Variants in ATP8B4 observed in about 807,000 individuals in gnomAD.
ATP8B4 encodes the protein probable phospholipid-transporting ATPase IM.
Under a neutral mutation model 145.6 loss-of-function variants are expected in ATP8B4, and 133 were observed. The observed-to-expected ratio is 0.91, with a 90% CI of 0.79 to 1.05. ATP8B4 has a LOEUF of 1.05. Ranked by LOEUF, ATP8B4 falls within the 50% of genes least tolerant of loss-of-function variation. The pLI is 0.00. For synonymous variants in ATP8B4, 507 were observed against 492.9 expected, an observed-to-expected ratio of 1.03 and a Z score of -0.38; for missense variants, 1,458 against 1,425.2, an observed-to-expected ratio of 1.02 and a Z score of -0.37.
chr15:49,990,511 A>G (rs1024525286), intron 9 of ATP8B4, among the ~76,000 whole-genome samples: 3 of 152,148 alleles, frequency 2.0e-5, no homozygotes, highest in African/African-American at 7.2e-5. Flanking sequence ...GCAGATTGCA[A>G]TTTATCCATT....
intron 7 of ATP8B4, among the ~76,000 whole-genome samples, chr15:50,007,366 G>A (rs2048383132): frequency 6.6e-6 from 1 of 152,188 alleles, no homozygotes; most frequent in Non-Finnish European, 1.5e-5. Flanking sequence ...CTGTTCCAAT[G>A]GAGTAAGGAA....
intron 1 of ATP8B4, among the ~76,000 whole-genome samples, chr15:50,174,435 A>C (rs1470350864): frequency 6.6e-6 from 1 of 152,114 alleles, no homozygotes; most frequent in African/African-American, 2.4e-5. Flanking sequence ...TGATAAAAGA[A>C]TTCAGCACAG....
intron 14 of ATP8B4, among the ~76,000 whole-genome samples, chr15:49,935,087 C>G (rs2041626000): frequency 6.6e-6 from 1 of 152,080 alleles, no homozygotes; most frequent in Non-Finnish European, 1.5e-5. Context: ...TTGCAATTAT[C>G]TATTCTGTGT....
intron 2 of ATP8B4, 129 bp from the exon 3 acceptor site, chr15:50,074,314 G>A (rs929532977): frequency 1.3e-6 from 1 of 790,236 alleles, no homozygotes; most frequent in Non-Finnish European, 2.0e-6. Context: ...AAATTTGAAG[G>A]TATTGGCTTT....
chr15:50,041,467 TG>T (rs887066529), intron 5 of ATP8B4, among the ~76,000 whole-genome samples: 9 of 152,234 alleles, frequency 5.9e-5, no homozygotes, highest in Admixed American at 5.2e-4. Flanking sequence ...TCCAAAGCTG[TG>T]AAGCCATTAA....
At chr15:50,174,278 T>TA (rs931162938) in intron 1 of ATP8B4, among the ~76,000 whole-genome samples, 1 of 152,136 alleles carries the variant, frequency 6.6e-6, no homozygotes, top group Non-Finnish European at 1.5e-5. Context: ...AGCATAGTAC[T>TA]GGAAGTCCTA....
chr15:50,095,920 G>T (rs954075021), intron 2 of ATP8B4, among the ~76,000 whole-genome samples: 2 of 152,098 alleles, frequency 1.3e-5, no homozygotes, highest in South Asian at 4.1e-4. Context: ...TAATTCCCAG[G>T]TTTTCTTATT....
At chr15:50,079,201 A>G (rs2054384801) in intron 2 of ATP8B4, among the ~76,000 whole-genome samples, 1 of 152,178 alleles carries the variant, frequency 6.6e-6, no homozygotes, top group Admixed American at 6.5e-5. Context: ...CCATAAATAG[A>G]TATACCTACT....
chr15:49,940,937 TAGAG>T (rs2042117698), intron 14 of ATP8B4, among the ~76,000 whole-genome samples: 1 of 151,676 alleles, frequency 6.6e-6, no homozygotes, highest in Non-Finnish European at 1.5e-5. Flanking sequence ...TCGAGAGACA[TAGAG>T]AGAAAGACAG....
intron 16 of ATP8B4, among the ~76,000 whole-genome samples, chr15:49,924,011 T>C (rs1235435133): frequency 6.6e-6 from 1 of 152,184 alleles, no homozygotes; most frequent in Admixed American, 6.5e-5. Flanking sequence ...GAAAAGTCCA[T>C]TAATTCTTGG....
At chr15:49,968,384 A>G (rs1265517344) in intron 13 of ATP8B4, among the ~76,000 whole-genome samples, 1 of 152,060 alleles carries the variant, frequency 6.6e-6, no homozygotes, top group Non-Finnish European at 1.5e-5. Flanking sequence ...GAGCCATCTC[A>G]TGTGCAAAGA....
intron 9 of ATP8B4, among the ~76,000 whole-genome samples, chr15:49,993,597 G>T (rs760131937): frequency 6.6e-6 from 1 of 151,986 alleles, no homozygotes; most frequent in Non-Finnish European, 1.5e-5. Flanking sequence ...AATCTAATTT[G>T]TATATTGTTT....
chr15:50,037,924 AG>A (rs1366917966), intron 6 of ATP8B4, among the ~76,000 whole-genome samples: 1 of 152,368 alleles, frequency 6.6e-6, no homozygotes, highest in East Asian at 1.9e-4. Flanking sequence ...TAAGCTACCT[AG>A]CCCCTCTTGA....
rs186207889 is a variant in ATP8B4 at position 50,137,077 on chromosome 15, A to G, written c.-42-30069T>C. ...CTTTTGGACATATTGATGTCCTACA[A>G]TGCATCAAGCACTGTGCAAGAGGCT... On this transcript the variant is annotated intron_variant, in intron 1 of 3. Transcript: ENST00000558829. 1.2e-4 allele frequency among the ~76,000 whole-genome samples: 19 copies of G among 152,196 alleles called. 1 individual carries two copies. The highest frequency in any genetic ancestry group is 1.5e-5 in the Non-Finnish European group (1 of 68,026).
intron 13 of ATP8B4, among the ~76,000 whole-genome samples, chr15:49,962,223 C>A (rs532511958): frequency 2.5e-4 from 38 of 152,202 alleles, no homozygotes; most frequent in African/African-American, 8.7e-4. Context: ...CGTGTTTGCC[C>A]AAGATAGGAC....
At chr15:50,047,327 A>G (rs1303579743) in intron 4 of ATP8B4, 24 bp downstream of exon 4, 9 of 1,380,304 alleles carry the variant, frequency 6.5e-6, no homozygotes, top group Non-Finnish European at 9.3e-6. Flanking sequence ...AACAGATAAT[A>G]GAGAAATACA....
intron 20 of ATP8B4, among the ~76,000 whole-genome samples, chr15:49,915,901 A>G (rs983546188): frequency 1.3e-5 from 2 of 151,700 alleles, no homozygotes; most frequent in African/African-American, 2.4e-5. Flanking sequence ...AGTACCATCA[A>G]GTAGTGGTGC....
Position 49,915,321 on chromosome 15 carries a change from G to A in ATP8B4, c.2141+1613C>T, listed in dbSNP as rs575263141. Among the ~76,000 whole-genome samples the A allele has an allele frequency of 1.5e-3, 225 of 152,230 alleles. 2 individuals are homozygous for A. The South Asian group carries it at 0.016, about 11-fold the overall frequency. ...AGGAAGGTTGTATGGGTGGGAATGCGGGGGATGAAGAGAGGTTGGTTAATT... is the reference window on the plus strand; with the variant it reads ...AGGAAGGTTGTATGGGTGGGAATGCAGGGGATGAAGAGAGGTTGGTTAATT... On this transcript the variant is annotated intron_variant, in intron 20 of 27. Transcript: ENST00000284509.
intron 7 of ATP8B4, among the ~76,000 whole-genome samples, chr15:50,008,242 G>A (rs2048461975): frequency 6.6e-6 from 1 of 152,146 alleles, no homozygotes; most frequent in Non-Finnish European, 1.5e-5. Flanking sequence ...CAAGAATTAA[G>A]GAAGCATCAC....
Sources: allele counts gnomAD v4.1 joint callset (sites outside exome capture counted in the v4.1 genomes callset), GRCh38; gene constraint gnomAD v4.1.1; transcripts MANE v1.5; gene names NCBI Gene and HGNC (gene_info 2026-07-23, HGNC 2026-07-21).